Variants in ST6GALNAC5 observed in about 807,000 individuals in gnomAD.
ST6GALNAC5 encodes ST6 N-acetylgalactosaminide alpha-2,6-sialyltransferase 5.
ST6GALNAC5 carries 27 observed loss-of-function variants against 33.6 expected under a neutral mutation model. The observed-to-expected ratio is 0.80, with a 90% CI of 0.59 to 1.11. The LOEUF (loss-of-function observed/expected upper bound fraction) is 1.11, where lower values mean the gene tolerates loss of function less well. ST6GALNAC5 is among the 50% of genes least tolerant of loss of function. The probability of loss-of-function intolerance (pLI) is 0.00; values close to 1 mark genes in which losing one functional copy is unlikely to be tolerated. For missense variants in ST6GALNAC5, 428 were observed against 454.0 expected, an observed-to-expected ratio of 0.94 and a Z score of 0.52; for synonymous variants, 194 against 171.2, an observed-to-expected ratio of 1.13 and a Z score of -1.04.
chr1:76,916,052 A>G (rs1646970921), intron 2 of ST6GALNAC5, among the ~76,000 whole-genome samples: 1 of 150,952 alleles, frequency 6.6e-6, no homozygotes, highest in African/African-American at 2.4e-5. Context: ...TGTAGAATAG[A>G]TTGCTCACTT....
At chr1:76,965,730 TA>T (rs1337520325) in intron 2 of ST6GALNAC5, among the ~76,000 whole-genome samples, 2 of 152,256 alleles carry the variant, frequency 1.3e-5, no homozygotes, top group Non-Finnish European at 2.9e-5. Flanking sequence ...CTAGGATTTT[TA>T]TGGTTTTAGG....
intron 2 of ST6GALNAC5, among the ~76,000 whole-genome samples, chr1:76,911,675 A>G (rs559826548): frequency 2.0e-5 from 3 of 151,974 alleles, no homozygotes; most frequent in African/African-American, 7.2e-5. Context: ...GTCTTGGGAG[A>G]GGGTATGTGT....
At chr1:76,945,619 T>G (rs1647490364) in intron 2 of ST6GALNAC5, among the ~76,000 whole-genome samples, 1 of 152,160 alleles carries the variant, frequency 6.6e-6, no homozygotes, top group Non-Finnish European at 1.5e-5. Flanking sequence ...TAATTTACTC[T>G]TTTCTGGAAT....
intron 4 of ST6GALNAC5, among the ~76,000 whole-genome samples, chr1:77,057,157 T>G (rs1652429004): frequency 6.6e-6 from 1 of 152,200 alleles, no homozygotes; most frequent in Non-Finnish European, 1.5e-5. Flanking sequence ...GAAATGTGTT[T>G]AAAGAGAGTG....
chr1:77,014,752 G>C (rs369917432), intron 2 of ST6GALNAC5, among the ~76,000 whole-genome samples: 1 of 152,134 alleles, frequency 6.6e-6, no homozygotes, highest in Non-Finnish European at 1.5e-5. Flanking sequence ...CCTGATAAAA[G>C]CCTCTGGTAC....
At chr1:76,914,714 G>A (rs1646951146) in intron 2 of ST6GALNAC5, among the ~76,000 whole-genome samples, 3 of 152,066 alleles carry the variant, frequency 2.0e-5, no homozygotes, top group Admixed American at 1.3e-4. Flanking sequence ...AGACTTAAAT[G>A]TTAGACCTAA....
chr1:76,867,800 G>C (rs1163603555), intron 1 of ST6GALNAC5, 110 bp downstream of exon 1: 1 of 1,515,340 alleles, frequency 6.6e-7, no homozygotes, highest in Non-Finnish European at 9.1e-7. Context: ...CCGCGAGGTC[G>C]CCTGTTACAA....
chr1:76,931,279 T>C (rs1647138278), intron 2 of ST6GALNAC5, among the ~76,000 whole-genome samples: 1 of 152,152 alleles, frequency 6.6e-6, no homozygotes, highest in South Asian at 2.1e-4. Context: ...GACCACACCC[T>C]GCCAACACCT....
intron 2 of ST6GALNAC5, among the ~76,000 whole-genome samples, chr1:76,915,490 A>C (rs556533836): frequency 3.3e-5 from 5 of 152,212 alleles, no homozygotes; most frequent in Admixed American, 3.3e-4. Context: ...TGGCATATAT[A>C]CACCATGGAA....
chr1:76,905,146 T>A (rs1646852907), intron 2 of ST6GALNAC5, among the ~76,000 whole-genome samples: 1 of 152,210 alleles, frequency 6.6e-6, no homozygotes, highest in Non-Finnish European at 1.5e-5. Flanking sequence ...ATACCCTTGT[T>A]GTTGTTTACT....
intron 2 of ST6GALNAC5, among the ~76,000 whole-genome samples, chr1:77,023,098 A>G (rs1651113268): frequency 6.6e-6 from 1 of 152,214 alleles, no homozygotes; most frequent in Admixed American, 6.5e-5. Flanking sequence ...GGACCATGTG[A>G]GGACACAGTG....
chr1:76,914,702 A>T (rs898279872), intron 2 of ST6GALNAC5, among the ~76,000 whole-genome samples: 1 of 152,206 alleles, frequency 6.6e-6, no homozygotes, highest in East Asian at 1.9e-4. Flanking sequence ...AAGATGGATT[A>T]AAGACTTAAA....
At chr1:76,876,355 T>C (rs1300832705) in intron 2 of ST6GALNAC5, among the ~76,000 whole-genome samples, 1 of 152,212 alleles carries the variant, frequency 6.6e-6, no homozygotes, top group African/African-American at 2.4e-5. Context: ...CCTGCCACCA[T>C]GGCCATTTTG....
In ST6GALNAC5 at chr1:76,892,845, C is replaced by T. The variant is rs1380426385; in HGVS notation, c.261+24103C>T. On this transcript the variant is annotated intron_variant, in intron 2 of 4. Coordinates refer to ENST00000477717, the MANE Select transcript of ST6GALNAC5 (RefSeq NM_030965.3). ...TTTACGTTTTTGCACCTCAGCCTGT[C>T]CAATTGTGCAAAGAAGGGGAGGAGG... Among the ~76,000 whole-genome samples, 6 of 152,280 alleles carry T rather than the reference C, an allele frequency of 3.9e-5. No homozygotes were observed. The East Asian group carries it at 1.2e-3, about 29-fold the overall frequency.
chr1:77,005,091 C>T (rs913524708), intron 2 of ST6GALNAC5, among the ~76,000 whole-genome samples: 15 of 151,938 alleles, frequency 9.9e-5, no homozygotes, highest in Non-Finnish European at 2.1e-4. Flanking sequence ...CTCCCCCAGC[C>T]TCGCTGCCAC....
Position 77,044,593 on chromosome 1 carries a change from GC to G in ST6GALNAC5, c.652del (p.Gln218ArgfsTer21). 6.4e-7 allele frequency: 1 copy of G among 1,561,374 alleles called. No individual in the cohort carries two copies. The highest frequency in any genetic ancestry group is 1.2e-5 in the South Asian group (1 of 82,692). On this transcript the variant is annotated frameshift_variant, in exon 3 of 5. Transcript: ENST00000477717. LOFTEE classifies it high-confidence loss of function. ...KMLQFDELFK[Q>X]ETGKDRKISN... ...TGCTGCAGTTTGATGAGCTCTTCAA[GC>G]AGGAGACTGGCAAAGACAGGTACAA... is the stretch of plus-strand genomic sequence containing the variant.
chr1:76,991,873 TG>T (rs1349477105), intron 2 of ST6GALNAC5, among the ~76,000 whole-genome samples: 2 of 151,832 alleles, frequency 1.3e-5, no homozygotes, highest in Non-Finnish European at 2.9e-5. Context: ...ACAGACACCC[TG>T]CCTATTCCTG....
intron 2 of ST6GALNAC5, among the ~76,000 whole-genome samples, chr1:76,898,531 G>T (rs1646781567): frequency 6.6e-6 from 1 of 152,138 alleles, no homozygotes; most frequent in Admixed American, 6.6e-5. Flanking sequence ...ATGGCCTTTT[G>T]ACCTTTTAGG....
At chr1:76,938,555 T>C (rs1647250265) in intron 2 of ST6GALNAC5, among the ~76,000 whole-genome samples, 1 of 152,090 alleles carries the variant, frequency 6.6e-6, no homozygotes, top group African/African-American at 2.4e-5. Flanking sequence ...TTTGTTGCAT[T>C]TCTAGCTCCT....
Sources: gnomAD v4.1 joint callset for allele counts (sites outside exome capture counted in the v4.1 genomes callset) on GRCh38, gnomAD v4.1.1 for gene constraint, MANE v1.5 for transcripts, NCBI Gene and HGNC (gene_info 2026-07-23, HGNC 2026-07-21) for gene names.